CEP295: variants seen among roughly 807,000 people sequenced by gnomAD.
CEP295 encodes the protein centrosomal protein of 295 kDa.
In CEP295, 190 loss-of-function variants were observed where a neutral mutation model predicts 291.6. That is an observed-to-expected ratio of 0.65 (90% CI 0.58 to 0.73). The LOEUF (loss-of-function observed/expected upper bound fraction) is 0.73. Among genes scored for constraint, CEP295 ranks in the 30% least tolerant of loss-of-function variants. The pLI, the probability that CEP295 is intolerant of heterozygous loss-of-function variation, is 0.00. For synonymous variants in CEP295, 993 were observed against 1,038.8 expected, an observed-to-expected ratio of 0.96 and a Z score of 0.85; for missense variants, 2,863 against 2,949.4, an observed-to-expected ratio of 0.97 and a Z score of 0.68.
In CEP295 at chr11:93,668,840, A is replaced by G. The variant is rs61743303; in HGVS notation, c.342A>G (p.Ala114=). Residue 114 remains alanine (A), a synonymous_variant, in exon 4 of 30, where the codon GCA becomes GCG. Coordinates refer to ENST00000325212, the MANE Select transcript of CEP295 (RefSeq NM_033395.2). ...ATTTGGATGCTTTGGCACAGCGGGC[A>G]GCAGAAAGGAAAAGAAAAGCAGATT... ...EPDLDALAQR[A]AERKRKADLR... is the part of the protein sequence containing the mutation. 150,927 of 1,523,720 alleles carry G rather than the reference A, an allele frequency of 0.099. 8,330 individuals are homozygous for G. The highest frequency in any genetic ancestry group is 0.21 in the East Asian group (8,588 of 40,266). The allele number at this position is 1,523,720 out of a possible 1,614,324, so 94.4% of individuals were successfully genotyped here.
intron 4 of CEP295, 40 bp from the exon 5 acceptor site, chr11:93,669,637 T>C (rs1403357331): frequency 2.3e-6 from 3 of 1,284,540 alleles, no homozygotes; most frequent in African/African-American, 1.5e-5. Context: ...TATAATATTA[T>C]CACTGAGAGA....
chr11:93,688,012 C>T, intron 10 of CEP295, 147 bp downstream of exon 10: 1 of 515,384 alleles, frequency 1.9e-6, no homozygotes, highest in Non-Finnish European at 3.3e-6. Flanking sequence ...TTATAAAAGC[C>T]TTAGTGAATC....
chr11:93,724,469 C>A (rs371199409), intron 22 of CEP295, 94 bp downstream of exon 22: 2 of 1,249,106 alleles, frequency 1.6e-6, no homozygotes, highest in South Asian at 1.3e-5. Context: ...AAACCCTTAC[C>A]TAGAATCACA....
intron 7 of CEP295, among the ~76,000 whole-genome samples, chr11:93,683,246 C>G (rs1017079985): frequency 1.3e-5 from 2 of 152,188 alleles, no homozygotes; most frequent in African/African-American, 4.8e-5. Context: ...AAAACTGTAG[C>G]TGGCAGACAC....
At chr11:93,679,627 G>T in intron 7 of CEP295, 75 bp downstream of exon 7, 2 of 1,268,484 alleles carry the variant, frequency 1.6e-6, no homozygotes, top group Non-Finnish European at 1.1e-6. Context: ...TAGTGAATGA[G>T]CTCAAAGAAA....
At chr11:93,701,015 C>A (rs1952124484) in intron 15 of CEP295, among the ~76,000 whole-genome samples, 1 of 152,082 alleles carries the variant, frequency 6.6e-6, no homozygotes, top group African/African-American at 2.4e-5. Context: ...TTCATAGTTG[C>A]CCTATCTGGG....
At chr11:93,718,178 T>C (rs1294654085) in intron 18 of CEP295, among the ~76,000 whole-genome samples, 2 of 152,230 alleles carry the variant, frequency 1.3e-5, no homozygotes, top group East Asian at 3.9e-4. Context: ...CCCAAAGTGT[T>C]GGGATTATAG....
At chr11:93,680,926 A>T (rs770672371) in intron 7 of CEP295, among the ~76,000 whole-genome samples, 5 of 152,236 alleles carry the variant, frequency 3.3e-5, no homozygotes, top group Admixed American at 6.5e-5. Context: ...TTATTTTTAT[A>T]GTTTGAACTA....
chr11:93,665,660 A>G (rs1201183134), intron 1 of CEP295, among the ~76,000 whole-genome samples: 1 of 152,246 alleles, frequency 6.6e-6, no homozygotes, highest in South Asian at 2.1e-4. Flanking sequence ...GTAAGCCAAG[A>G]TTGTGTCATT....
Position 93,696,933 on chromosome 11 carries a change from T to C in CEP295, c.2021T>C (p.Phe674Ser). Reference sequence around the variant, plus strand: ...ACCTCCAAATTAGAACAAGATCATTTTCAGGTAGCGAGACAAAATCACTTT... The same window carrying C: ...ACCTCCAAATTAGAACAAGATCATTCTCAGGTAGCGAGACAAAATCACTTT... ...IQTSKLEQDH[F>S]QVARQNHFPQ... Residue 674 changes from phenylalanine to serine, a missense_variant, in exon 15 of 30, where the codon TTT (phenylalanine) becomes TCT (serine). Coordinates refer to ENST00000325212, the MANE Select transcript of CEP295 (RefSeq NM_033395.2). The C allele has an allele frequency of 6.4e-7, 1 of 1,552,050 alleles. No individual in the cohort carries two copies. The highest frequency in any genetic ancestry group is 8.7e-7 in the Non-Finnish European group (1 of 1,147,088).
At chr11:93,670,398 A>T (rs57716933) in intron 5 of CEP295, among the ~76,000 whole-genome samples, 82 of 2,840 alleles carry the variant, frequency 0.029, no homozygotes, top group South Asian at 0.5. Context: ...TATTTTTTTT[A>T]AAAAAATGTA....
rs1950855041 is a variant in CEP295, at chr11:93,679,416, A to G, written c.629A>G (p.Asp210Gly). The G allele has an allele frequency of 2.6e-6, 4 of 1,548,488 alleles. No homozygotes were observed. The highest frequency in any genetic ancestry group is 2.4e-5 in the South Asian group (2 of 83,376). ...CAATTTTTGATTGACTGCTAGCCAG[A>G]TGCTCGTTTGGCTGCTGAAGAGGAA... is the stretch of plus-strand genomic sequence containing the variant. ...VNRETDTKRP[D>G]ARLAAEEEAK... is the part of the protein sequence containing the mutation. The change falls in exon 7 of 30, where the codon GAT becomes GGT. Residue 210 changes from aspartate (D) to glycine (G), a missense_variant. Coordinates refer to ENST00000325212, the MANE Select transcript of CEP295 (RefSeq NM_033395.2).
chr11:93,719,997 A>G (rs1192653579), intron 18 of CEP295, among the ~76,000 whole-genome samples: 1 of 152,078 alleles, frequency 6.6e-6, no homozygotes, highest in Non-Finnish European at 1.5e-5. Context: ...TAATATCTCA[A>G]ATATAATTAG....
intron 12 of CEP295, among the ~76,000 whole-genome samples, chr11:93,692,466 A>C (rs1287375283): frequency 1.3e-5 from 2 of 152,084 alleles, no homozygotes. Flanking sequence ...CAGAGGAAAA[A>C]CTTTTAATAT....
At chr11:93,728,528 A>T in intron 24 of CEP295, 153 bp from the exon 25 acceptor site, 1 of 560,470 alleles carries the variant, frequency 1.8e-6, no homozygotes, top group Non-Finnish European at 3.0e-6. Flanking sequence ...GCCTAAGGAA[A>T]TCTGATCTGT....
intron 18 of CEP295, among the ~76,000 whole-genome samples, chr11:93,718,934 C>G (rs913886888): frequency 6.6e-6 from 1 of 152,158 alleles, no homozygotes; most frequent in Non-Finnish European, 1.5e-5. Flanking sequence ...TATGGTGAAA[C>G]CCCGTCTCTA....
At chr11:93,683,933 T>C in intron 8 of CEP295, 31 bp from the exon 9 acceptor site, 1 of 1,530,224 alleles carries the variant, frequency 6.5e-7, no homozygotes, top group Non-Finnish European at 8.8e-7. Context: ...CATTTTGGAA[T>C]GGAAACGTGT....
chr11:93,695,414 T>C (rs1275826583), intron 12 of CEP295, 83 bp from the exon 13 acceptor site: 3 of 937,984 alleles, frequency 3.2e-6, no homozygotes, highest in Admixed American at 4.2e-5. Flanking sequence ...TGAAGAAACC[T>C]AATTTCTTTT....
At position 93,699,190 on chromosome 11, in the gene CEP295, T is replaced by C; in HGVS notation, c.4278T>C (p.Asn1426=). Residue 1426 remains asparagine, a synonymous_variant, in exon 15 of 30, where the codon AAT becomes AAC. Coordinates refer to ENST00000325212, the MANE Select transcript of CEP295 (RefSeq NM_033395.2). Reference sequence around the variant, plus strand: ...AACCATGTTCAATTAACAGTGATAATATAGTATCCTCAGGTCACTCAGAGA... The same window carrying C: ...AACCATGTTCAATTAACAGTGATAACATAGTATCCTCAGGTCACTCAGAGA... ...NQEPCSINSD[N]IVSSGHSEIP... The C allele has an allele frequency of 6.4e-7, 1 of 1,551,916 alleles. No individual in the cohort carries two copies. Among genetic ancestry groups the C allele is most frequent in the South Asian group, 1.2e-5 (1 of 84,054 alleles).
Sources: gnomAD v4.1 joint callset for allele counts (sites outside exome capture counted in the v4.1 genomes callset) on GRCh38, gnomAD v4.1.1 for gene constraint, MANE v1.5 for transcripts, NCBI Gene and HGNC (gene_info 2026-07-23, HGNC 2026-07-21) for gene names.